Variants in SPTBN1 observed in about 807,000 individuals in gnomAD.
The protein encoded by SPTBN1 is spectrin beta chain, non-erythrocytic 1.
SPTBN1 carries 32 observed loss-of-function variants against 266.4 expected under a neutral mutation model. That is an observed-to-expected ratio of 0.12 (90% CI 0.09 to 0.16). SPTBN1 has a LOEUF of 0.16. Among genes scored for constraint, SPTBN1 ranks in the 10% least tolerant of loss-of-function variants. The pLI is 1.00. For synonymous variants in SPTBN1, 1,336 were observed against 1,162.2 expected (o/e 1.15, Z -3.04); for missense variants, 2,296 against 3,067.1 (o/e 0.75, Z 5.94).
chr2:54,660,012 T>C lies in SPTBN1; in HGVS notation c.6420+13T>C. 1 of 1,614,188 alleles carries C rather than the reference T, an allele frequency of 6.2e-7. No individual in the cohort carries two copies. Among genetic ancestry groups the C allele is most frequent in the South Asian group, 1.1e-5 (1 of 91,076 alleles). On this transcript the variant is annotated intron_variant, in intron 32 of 35. Transcript: ENST00000356805. The stretch of plus-strand genomic sequence containing the variant: ...GGGATCTCCACGGGTTAGTTACCGC[T>C]CTCAAACCTACCAAAACTACAAAAA...
At position 54,558,362 on chromosome 2, in the gene SPTBN1, A is replaced by C; in HGVS notation, c.148+31796A>C. 5 of 999,470 alleles carry C rather than the reference A, an allele frequency of 5.0e-6. No individual in the cohort carries two copies. Among genetic ancestry groups the C allele is most frequent in the Non-Finnish European group, 4.8e-6 (4 of 839,118 alleles). The allele number at this position is 999,470 out of a possible 1,614,324, so 61.9% of individuals were successfully genotyped here. A position where few individuals can be genotyped will look rare whatever the true frequency, so the allele number is the denominator to read the frequency against. ...GGCGAGTGGCTCCTGATAAAATTAC[A>C]AACCGGCGGCCGCCGCGGGCAGCTG... On this transcript the variant is annotated intron_variant, in intron 2 of 35. Coordinates refer to ENST00000356805, the MANE Select transcript of SPTBN1 (RefSeq NM_003128.3). The surrounding 1 kb of genome is among the most constrained non-coding windows in gnomAD (Gnocchi z 4.6).
intron 2 of SPTBN1, among the ~76,000 whole-genome samples, chr2:54,572,791 T>G (rs995093314): frequency 2.6e-5 from 4 of 152,238 alleles, no homozygotes; most frequent in East Asian, 1.9e-4. Context: ...GTAGCCAGTT[T>G]GACTAGGAGT....
At chr2:54,601,240 C>T (rs1166355423) in intron 3 of SPTBN1, among the ~76,000 whole-genome samples, 1 of 152,184 alleles carries the variant, frequency 6.6e-6, no homozygotes, top group East Asian at 1.9e-4. Flanking sequence ...CCATTCTTCA[C>T]AGCCATCTTG....
intron 30 of SPTBN1, among the ~76,000 whole-genome samples, chr2:54,658,364 C>T (rs1680817352): frequency 6.6e-6 from 1 of 152,094 alleles, no homozygotes. Flanking sequence ...AAGCTTTGTT[C>T]TCAAGGGGGC....
intron 1 of SPTBN1, among the ~76,000 whole-genome samples, chr2:54,523,240 A>AATCC (rs1356249453): frequency 1.3e-5 from 2 of 152,208 alleles, no homozygotes; most frequent in Admixed American, 6.5e-5. Context: ...GTTTTTATGA[A>AATCC]ATCCCATAAA....
intron 1 of SPTBN1, among the ~76,000 whole-genome samples, chr2:54,476,355 A>G (rs1266773596): frequency 6.6e-6 from 1 of 152,252 alleles, no homozygotes; most frequent in Non-Finnish European, 1.5e-5. Context: ...TTCTAACTAA[A>G]CATAGATAAC....
intron 2 of SPTBN1, among the ~76,000 whole-genome samples, chr2:54,573,358 G>A (rs964482800): frequency 6.6e-6 from 1 of 152,186 alleles, no homozygotes; most frequent in African/African-American, 2.4e-5. Flanking sequence ...ATTAAGGAGT[G>A]GTAACCTAGA....
At chr2:54,556,787 A>G (rs1389781414) in intron 2 of SPTBN1, among the ~76,000 whole-genome samples, 2 of 152,134 alleles carry the variant, frequency 1.3e-5, no homozygotes, top group Non-Finnish European at 2.9e-5. Context: ...TTTCCACATC[A>G]TCTCCTCAGT....
chr2:54,472,692 G>A (rs1276217544), intron 1 of SPTBN1, among the ~76,000 whole-genome samples: 1 of 152,030 alleles, frequency 6.6e-6, no homozygotes, highest in African/African-American at 2.4e-5. Context: ...TGCAGGGGGT[G>A]TGGGTACCTG....
chr2:54,668,498 C>A lies in SPTBN1; in HGVS notation c.7024C>A (p.Pro2342Thr), dbSNP rs773977579. The change falls in exon 36 of 36, where the codon CCC becomes ACC. Residue 2342 changes from proline (P) to threonine (T), a missense_variant. Physicochemically the swap from Pro to Thr is conservative, Grantham distance 38. This residue lies in a region of SPTBN1 where 347 missense variants were observed against 368.5 expected (regional missense o/e 0.94). Coordinates refer to ENST00000356805, the MANE Select transcript of SPTBN1 (RefSeq NM_003128.3). Reference sequence around the variant, plus strand: ...CGTCACCATCACCAGCGAGTCCAGTCCCGGCAAGCGGGAAAAGGACAAAGA... The same window carrying A: ...CGTCACCATCACCAGCGAGTCCAGTACCGGCAAGCGGGAAAAGGACAAAGA... ...SVVTITSESSPGKREKDKEKD... is the reference protein window; with the variant it reads ...SVVTITSESSTGKREKDKEKD... 6.2e-7 allele frequency: 1 copy of A among 1,614,048 alleles called. No individual in the cohort carries two copies. Among genetic ancestry groups the A allele is most frequent in the African/African-American group, 1.3e-5 (1 of 74,916 alleles).
intron 2 of SPTBN1, among the ~76,000 whole-genome samples, chr2:54,562,121 C>G (rs1188970291): frequency 1.3e-5 from 2 of 151,568 alleles, no homozygotes; most frequent in African/African-American, 4.8e-5. Context: ...ATGTTTTTTT[C>G]TCTGTTAAAT....
intron 2 of SPTBN1, among the ~76,000 whole-genome samples, chr2:54,576,805 C>T (rs1447675046): frequency 2.0e-5 from 3 of 152,174 alleles, no homozygotes; most frequent in Non-Finnish European, 4.4e-5. Flanking sequence ...TAAGGGACAG[C>T]CACGGTCTCA....
At position 54,620,250 on chromosome 2, in the gene SPTBN1, C is replaced by T. The variant is rs998833613; in HGVS notation, c.764-1150C>T. ...CAAAACATGCATAAAAAATCATAAC[C>T]TGGCAAAAAGTGGACTATGTGTCCA... On this transcript the variant is annotated intron_variant, in intron 7 of 35. Transcript: ENST00000356805. 1.3e-5 allele frequency among the ~76,000 whole-genome samples: 2 copies of T among 152,182 alleles called. 1 individual carries two copies. The highest frequency in any genetic ancestry group is 1.3e-4 in the Admixed American group (2 of 15,280).
At chr2:54,589,484 G>GC (rs1313443128) in intron 2 of SPTBN1, among the ~76,000 whole-genome samples, 1 of 152,204 alleles carries the variant, frequency 6.6e-6, no homozygotes, top group Non-Finnish European at 1.5e-5. Context: ...GTCATAGAGA[G>GC]CTCATGGTGG....
rs1678622936 is a variant in SPTBN1, at chr2:54,629,960, G to A, written c.2738G>A (p.Arg913His). Residue 913 changes from arginine (R) to histidine (H), a missense_variant, in exon 15 of 36, where the codon CGC becomes CAC. Transcript: ENST00000356805. ...GTTGCAGTGGTGAACCAGATTGCAC[G>A]CCAGCTGATGCACAGCGGCCACCCA... ...SRVAVVNQIA[R>H]QLMHSGHPSE... 6.2e-7 allele frequency: 1 copy of A among 1,613,998 alleles called. No homozygotes were observed.
chr2:54,629,539 C>T lies in SPTBN1; in HGVS notation c.2405C>T (p.Thr802Met), dbSNP rs756652288. 5.1e-5 allele frequency: 82 copies of T among 1,614,008 alleles called. No individual in the cohort carries two copies. The highest frequency in any genetic ancestry group is 1.2e-4 in the Admixed American group (7 of 60,016). ...GCCAATTACAGGCCCACCCTTGACA[C>T]GCTGCACGAACAAGCCAGCGCCCTC... ...EIANYRPTLDTLHEQASALPQ... is the reference protein window; with the variant it reads ...EIANYRPTLDMLHEQASALPQ... The change falls in exon 14 of 36, where the codon ACG (threonine) becomes ATG (methionine). Residue 802 changes from threonine (T) to methionine (M), a missense_variant. Coordinates refer to ENST00000356805, the MANE Select transcript of SPTBN1 (RefSeq NM_003128.3).
intron 1 of SPTBN1, among the ~76,000 whole-genome samples, chr2:54,459,409 G>T (rs745624709): frequency 6.6e-6 from 1 of 152,228 alleles, no homozygotes; most frequent in African/African-American, 2.4e-5. Context: ...TCCTGGAAGG[G>T]TTTGTAGAGT....
At chr2:54,657,521 G>T (rs1363718499) in intron 29 of SPTBN1, among the ~76,000 whole-genome samples, 4 of 152,130 alleles carry the variant, frequency 2.6e-5, no homozygotes, top group African/African-American at 9.7e-5. Context: ...ATCAGATTTA[G>T]ATTTAGAAGA....
intron 18 of SPTBN1, 134 bp downstream of exon 18, chr2:54,637,937 AG>A: frequency 1.4e-6 from 1 of 691,414 alleles, no homozygotes; most frequent in Non-Finnish European, 2.4e-6. Context: ...ACTCGCAGGC[AG>A]GGATACGTGG....
Sources: allele counts gnomAD v4.1 joint callset (sites outside exome capture counted in the v4.1 genomes callset), GRCh38; gene constraint gnomAD v4.1.1; regional missense constraint gnomAD v4.1.1; non-coding constraint Gnocchi (gnomAD v3.1); transcripts MANE v1.5; gene names NCBI Gene and HGNC (gene_info 2026-07-23, HGNC 2026-07-21).